The following INTS7 variants were observed in gnomAD, a reference collection of about 807,000 sequenced individuals.
INTS7 encodes integrator complex subunit 7, also known as chromosome 1 open reading frame 73.
A neutral mutation model predicts 109.2 loss-of-function variants in INTS7; 46 were observed. The observed-to-expected ratio is 0.42, with a 90% confidence interval of 0.33 to 0.54. The LOEUF is 0.54. INTS7 is among the 20% of genes least tolerant of loss of function. INTS7 has a pLI of 0.07. For missense variants in INTS7, 929 were observed against 1,132.4 expected, an observed-to-expected ratio of 0.82 and a Z score of 2.58; for synonymous variants, 412 against 402.9, an observed-to-expected ratio of 1.02 and a Z score of -0.27.
chr1:211,985,923 AAGAATACATTG>A (rs1282247764), intron 8 of INTS7, among the ~76,000 whole-genome samples: 3 of 152,208 alleles, frequency 2.0e-5, no homozygotes, highest in Admixed American at 1.3e-4. Context: ...TATGCAGAAA[AAGAATACATTG>A]AAAGCACCCT....
intron 16 of INTS7, among the ~76,000 whole-genome samples, chr1:211,960,773 G>T (rs952759278): frequency 3.9e-5 from 6 of 152,162 alleles, no homozygotes; most frequent in African/African-American, 1.4e-4. Flanking sequence ...AACACTTTGG[G>T]AGGCTAAGAT....
chr1:211,984,398 C>T (rs1347321846), intron 8 of INTS7, among the ~76,000 whole-genome samples: 1 of 152,032 alleles, frequency 6.6e-6, no homozygotes, highest in East Asian at 1.9e-4. Flanking sequence ...AAAAATCATA[C>T]CAAATTTCAC....
intron 10 of INTS7, among the ~76,000 whole-genome samples, chr1:211,979,513 T>C (rs1166526151): frequency 6.6e-6 from 1 of 152,202 alleles, no homozygotes; most frequent in Non-Finnish European, 1.5e-5. Context: ...CAACAAAGAT[T>C]GGCACATAAT....
chr1:211,967,324 C>T (rs918128467), intron 15 of INTS7, among the ~76,000 whole-genome samples: 2 of 151,762 alleles, frequency 1.3e-5, no homozygotes, highest in East Asian at 1.9e-4. Context: ...TGGTGGCACA[C>T]ACCTGTAATC....
intron 6 of INTS7, among the ~76,000 whole-genome samples, 193 bp from the exon 7 acceptor site, chr1:212,006,954 T>C (rs1254636449): frequency 3.9e-5 from 6 of 152,120 alleles, no homozygotes; most frequent in Admixed American, 6.5e-5. Flanking sequence ...ACTTTAAAGT[T>C]TTAGCACAGG....
At chr1:211,992,620 T>C (rs903803743) in intron 7 of INTS7, among the ~76,000 whole-genome samples, 3 of 152,016 alleles carry the variant, frequency 2.0e-5, no homozygotes, top group Admixed American at 6.6e-5. Flanking sequence ...GAATTTGAGG[T>C]TGCAATGAGC....
chr1:211,955,580 T>C (rs1663325678), intron 16 of INTS7, among the ~76,000 whole-genome samples: 1 of 152,242 alleles, frequency 6.6e-6, no homozygotes, highest in African/African-American at 2.4e-5. Flanking sequence ...CAAAGTCATT[T>C]CTAACTAAAC....
At chr1:211,969,435 A>T (rs1664062698) in intron 13 of INTS7, among the ~76,000 whole-genome samples, 1 of 152,082 alleles carries the variant, frequency 6.6e-6, no homozygotes, top group African/African-American at 2.4e-5. Flanking sequence ...AGAAAAAGAA[A>T]GATAAGGGCA....
At chr1:212,020,506 C>A (rs1285029331) in intron 2 of INTS7, among the ~76,000 whole-genome samples, 1 of 152,016 alleles carries the variant, frequency 6.6e-6, no homozygotes, top group Non-Finnish European at 1.5e-5. Flanking sequence ...AGGAGAAGAC[C>A]TAGAGCAGAA....
intron 1 of INTS7, among the ~76,000 whole-genome samples, chr1:212,029,801 T>A (rs1474728028): frequency 6.6e-6 from 1 of 152,094 alleles, no homozygotes; most frequent in Admixed American, 6.6e-5. Context: ...ATCTATACAT[T>A]AATAAAAGGT....
At position 211,981,239 on chromosome 1, in the gene INTS7, A is replaced by AAC. The variant is rs750306333; in HGVS notation, c.1133-51_1133-50dup. 8.8e-6 allele frequency: 10 copies of AAC among 1,137,998 alleles called. No homozygotes were observed. The South Asian group carries it at 1.1e-4, about 13-fold the overall frequency. The allele number at this position is 1,137,998 out of a possible 1,614,324, so 70.5% of individuals were successfully genotyped here. A position where few individuals can be genotyped will look rare whatever the true frequency, so the allele number is the denominator to read the frequency against. On this transcript the variant is annotated intron_variant, in intron 9 of 19. Transcript: ENST00000366994. ...ATGATGGTCAAGTGATGTGTGTACA[A>AAC]ACACACACACATATACATGCATACA...
At chr1:211,963,798 T>TA (rs953426158) in intron 16 of INTS7, among the ~76,000 whole-genome samples, 107 of 148,308 alleles carry the variant, frequency 7.2e-4, no homozygotes, top group Middle Eastern at 3.4e-3. Context: ...CCCATTATAT[T>TA]AAAAAAAAAA....
At chr1:211,949,247 C>G (rs1212219485) in intron 17 of INTS7, among the ~76,000 whole-genome samples, 1 of 152,150 alleles carries the variant, frequency 6.6e-6, no homozygotes, top group East Asian at 1.9e-4. Context: ...GGCAATTCTC[C>G]CCACTCCCGT....
chr1:211,962,305 A>C (rs1663671616), intron 16 of INTS7, among the ~76,000 whole-genome samples: 1 of 152,058 alleles, frequency 6.6e-6, no homozygotes, highest in Admixed American at 6.5e-5. Flanking sequence ...ACATAATGGT[A>C]AAAGGTTCAA....
In INTS7 at chr1:211,959,172, G is replaced by A. The variant is rs1039048174; in HGVS notation, c.2184-6471C>T. On this transcript the variant is annotated intron_variant, in intron 16 of 19. Transcript: ENST00000366994. The surrounding 1 kb of genome is among the most constrained non-coding windows in gnomAD (Gnocchi z 4.2). ...ATTCTAGCCAATGCAGAGCCCAAAG[G>A]GTTTGGTGTGTGAGCATCTGTAGTG... is the stretch of plus-strand genomic sequence containing the variant. Among the ~76,000 whole-genome samples, 7 of 152,168 alleles carry A rather than the reference G, an allele frequency of 4.6e-5. No individual in the cohort carries two copies. The highest frequency in any genetic ancestry group is 3.3e-4 in the Admixed American group (5 of 15,278).
chr1:211,977,262 C>A (rs1664460032), intron 11 of INTS7, among the ~76,000 whole-genome samples: 1 of 152,098 alleles, frequency 6.6e-6, no homozygotes, highest in Non-Finnish European at 1.5e-5. Flanking sequence ...ACTGTTAATA[C>A]CTTTTTCTTA....
chr1:212,028,466 TATG>T (rs1220873989), intron 1 of INTS7, among the ~76,000 whole-genome samples: 1 of 132,010 alleles, frequency 7.6e-6, no homozygotes, highest in Non-Finnish European at 1.7e-5. Flanking sequence ...GGCTCCCATT[TATG>T]ATGATAGCCA....
At chr1:212,029,728 A>G (rs916079614) in intron 1 of INTS7, among the ~76,000 whole-genome samples, 2 of 152,228 alleles carry the variant, frequency 1.3e-5, no homozygotes, top group Non-Finnish European at 1.5e-5. Flanking sequence ...TGTGACATAC[A>G]TTTGCTTTAG....
intron 16 of INTS7, among the ~76,000 whole-genome samples, chr1:211,964,331 A>C (rs1047746767): frequency 2.0e-5 from 3 of 152,234 alleles, no homozygotes; most frequent in Non-Finnish European, 4.4e-5. Flanking sequence ...TAACACAAAC[A>C]AACGGAAAAA....
Sources: gnomAD v4.1 joint callset for allele counts (sites outside exome capture counted in the v4.1 genomes callset) on GRCh38, gnomAD v4.1.1 for gene constraint, Gnocchi (gnomAD v3.1) non-coding constraint, MANE v1.5 for transcripts, NCBI Gene and HGNC (gene_info 2026-07-23, HGNC 2026-07-21) for gene names.